The following ADGRE3 variants were observed in gnomAD, a reference collection of about 807,000 sequenced individuals.
ADGRE3 encodes adhesion G protein-coupled receptor E3.
A neutral mutation model predicts 80.1 loss-of-function variants in ADGRE3; 88 were observed. The observed-to-expected ratio is 1.10, with a 90% CI of 0.93 to 1.31. The LOEUF (loss-of-function observed/expected upper bound fraction) is 1.31, where lower values mean the gene tolerates loss of function less well. ADGRE3 is among the 40% of genes most tolerant of loss of function. The probability of loss-of-function intolerance (pLI) is 0.00; values close to 1 mark genes in which losing one functional copy is unlikely to be tolerated. For synonymous variants in ADGRE3, 281 were observed against 294.8 expected, an observed-to-expected ratio of 0.95 and a Z score of 0.48; for missense variants, 715 against 776.5, an observed-to-expected ratio of 0.92 and a Z score of 0.94.
the ADGRE3 span, among the ~76,000 whole-genome samples, chr19:14,612,935 T>A: frequency 2.0e-5 from 3 of 152,038 alleles, no homozygotes; most frequent in South Asian, 6.2e-4. Context: ...ATTTATTTTT[T>A]TTTTTTTTGT....
At chr19:14,657,208 A>G (rs561307330) in intron 5 of ADGRE3, among the ~76,000 whole-genome samples, 53 of 152,054 alleles carry the variant, frequency 3.5e-4, no homozygotes, top group African/African-American at 1.3e-3. Context: ...TTGATTCTTT[A>G]TTTGTTCATT....
intron 7 of ADGRE3, among the ~76,000 whole-genome samples, chr19:14,650,629 ATCTCTCTCTCTCTC>A (rs376333448): frequency 0.017 from 429 of 24,786 alleles, no homozygotes; most frequent in Non-Finnish European, 0.022. Flanking sequence ...CTCTGTCTCC[ATCTCTCTCTCTCTC>A]TCTCTCTCTC....
chr19:14,619,265 T>A lies in ADGRE3; in HGVS notation c.*168A>T, dbSNP rs2075102795. The A allele has an allele frequency of 1.5e-6, 1 of 646,056 alleles. No homozygotes were observed. 40.0% of individuals were successfully genotyped at this position (646,056 alleles called of 1,614,324 possible). ...GAAGAGAAATGCAATTTACCACACA[T>A]TTGTTGAGAGCCTATTGTGGAGAAC... On this transcript the variant is annotated 3_prime_UTR_variant, in exon 16 of 16. Coordinates refer to ENST00000253673, the MANE Select transcript of ADGRE3 (RefSeq NM_032571.5).
chr19:14,602,185 CATT>C, the ADGRE3 span, among the ~76,000 whole-genome samples: 2 of 151,854 alleles, frequency 1.3e-5, no homozygotes, highest in African/African-American at 4.8e-5. Context: ...TTATTTATGT[CATT>C]ATATTTAAAA....
downstream of ADGRE3, among the ~76,000 whole-genome samples, chr19:14,618,368 C>T (rs1487549615): frequency 6.6e-6 from 1 of 151,900 alleles, no homozygotes; most frequent in Non-Finnish European, 1.5e-5. Context: ...TCAGCCTGGC[C>T]AACATGGTGA....
chr19:14,603,523 G>A, the ADGRE3 span, among the ~76,000 whole-genome samples: 9 of 152,150 alleles, frequency 5.9e-5, no homozygotes, highest in African/African-American at 2.2e-4. Flanking sequence ...GCAGTGGCAT[G>A]ATCTTGGCTC....
intron 11 of ADGRE3, among the ~76,000 whole-genome samples, chr19:14,635,228 C>T (rs1170233296): frequency 6.6e-6 from 1 of 152,028 alleles, no homozygotes; most frequent in African/African-American, 2.4e-5. Flanking sequence ...TCCTGAGTAG[C>T]TGGGACTACA....
intron 2 of ADGRE3, among the ~76,000 whole-genome samples, chr19:14,663,880 A>G (rs957911222): frequency 2.0e-5 from 3 of 152,096 alleles, no homozygotes; most frequent in African/African-American, 7.2e-5. Context: ...TACACGTGCC[A>G]CGTTGGTTTG....
At chr19:14,646,240 A>G (rs1480597547) in intron 8 of ADGRE3, among the ~76,000 whole-genome samples, 1 of 151,860 alleles carries the variant, frequency 6.6e-6, no homozygotes, top group East Asian at 1.9e-4. Flanking sequence ...CTCCTGCCTC[A>G]CCCTCCCAAG....
At chr19:14,616,582 G>GA (rs148155992), downstream of ADGRE3, among the ~76,000 whole-genome samples, 289 of 151,128 alleles carry the variant, frequency 1.9e-3, 1 homozygote, top group African/African-American at 6.8e-3. Context: ...GCTTCAAGAA[G>GA]AAAAAAAATG....
chr19:14,665,114 A>T (rs1972055444), intron 2 of ADGRE3, among the ~76,000 whole-genome samples: 1 of 122,662 alleles, frequency 8.2e-6, no homozygotes, highest in Non-Finnish European at 1.6e-5. Flanking sequence ...CCCAGGCCGG[A>T]GTGCAGTGGT....
chr19:14,650,352 A>G (rs1420905494), intron 7 of ADGRE3, among the ~76,000 whole-genome samples: 1 of 67,214 alleles, frequency 1.5e-5, no homozygotes, highest in Non-Finnish European at 3.0e-5. Context: ...ATCTTTTTCC[A>G]TCTCTCTTCC....
At chr19:14,603,325 C>G in the ADGRE3 span, among the ~76,000 whole-genome samples, 1 of 152,160 alleles carries the variant, frequency 6.6e-6, no homozygotes, top group Admixed American at 6.6e-5. Context: ...GGGACATCTA[C>G]AGACTGAATG....
chr19:14,646,659 TCCTC>T (rs546627316), intron 8 of ADGRE3, among the ~76,000 whole-genome samples: 7,354 of 84,966 alleles, frequency 0.087, 476 homozygotes, highest in East Asian at 0.1. Context: ...CTCTCTCTCT[TCCTC>T]CCTCCCTCCC....
At chr19:14,664,657 C>G (rs112683771) in intron 2 of ADGRE3, among the ~76,000 whole-genome samples, 3 of 151,978 alleles carry the variant, frequency 2.0e-5, no homozygotes, top group Admixed American at 1.3e-4. Context: ...TGCAGTGAGT[C>G]GTGGTCATGT....
chr19:14,662,265 G>A (rs8112014), intron 3 of ADGRE3, 147 bp from the exon 4 acceptor site: 206,668 of 705,178 alleles, frequency 0.29, 31,354 homozygotes, highest in Middle Eastern at 0.42. Flanking sequence ...TTGGTTTTTC[G>A]CTTTCTTCAT....
intron 6 of ADGRE3, among the ~76,000 whole-genome samples, chr19:14,654,444 T>A (rs943846698): frequency 6.6e-6 from 1 of 151,574 alleles, no homozygotes; most frequent in Admixed American, 6.6e-5. Context: ...AAATTTTTTT[T>A]AAAGAGATGG....
At chr19:14,636,834 C>T (rs1476321085) in intron 11 of ADGRE3, among the ~76,000 whole-genome samples, 3 of 152,140 alleles carry the variant, frequency 2.0e-5, no homozygotes, top group African/African-American at 7.2e-5. Context: ...TGGCTCACAC[C>T]TGTAATCTCA....
intron 11 of ADGRE3, among the ~76,000 whole-genome samples, chr19:14,635,539 A>G (rs1599614759): frequency 2.0e-5 from 3 of 151,050 alleles, no homozygotes; most frequent in Admixed American, 1.3e-4. Context: ...AGCCTCCCAA[A>G]TAGCTGAGAT....
Sources: gnomAD v4.1 joint callset for allele counts (sites outside exome capture counted in the v4.1 genomes callset) on GRCh38, gnomAD v4.1.1 for gene constraint, MANE v1.5 for transcripts, NCBI Gene and HGNC (gene_info 2026-07-23, HGNC 2026-07-21) for gene names.